DCST1: variants seen among roughly 807,000 people sequenced by gnomAD.
The protein encoded by DCST1 is E3 ubiquitin-protein ligase DCST1.
DCST1 carries 78 observed loss-of-function variants against 89.1 expected under a neutral mutation model. The observed-to-expected ratio is 0.88, with a 90% CI of 0.73 to 1.06. The LOEUF (loss-of-function observed/expected upper bound fraction) is 1.06. Among genes scored for constraint, DCST1 ranks in the 50% least tolerant of loss-of-function variants. The probability of loss-of-function intolerance (pLI) is 0.00; values close to 1 mark genes in which losing one functional copy is unlikely to be tolerated. For synonymous variants in DCST1, 364 were observed against 371.9 expected (o/e 0.98, Z 0.24); for missense variants, 900 against 928.6 (o/e 0.97, Z 0.40).
rs763677523 is a variant in DCST1 at position 155,048,065 on chromosome 1, G to T, written c.1764G>T (p.Lys588Asn). 36 of 1,613,858 alleles carry T rather than the reference G, an allele frequency of 2.2e-5. No individual in the cohort carries two copies. The highest frequency in any genetic ancestry group is 1.6e-4 in the Middle Eastern group (1 of 6,084). Reference sequence around the variant, plus strand: ...CCCCTTCCTGCCCCCAGCGAGAGAAGAAGCGGATCCTGTTCCTCTACAATG... The same window carrying T: ...CCCCTTCCTGCCCCCAGCGAGAGAATAAGCGGATCCTGTTCCTCTACAATG... ...IAAFYFPKRE[K>N]KRILFLYNDL... Residue 588 changes from lysine (K) to asparagine (N), a missense_variant, in exon 16 of 17, where the codon AAG becomes AAT. By Grantham distance (94) the Lys-to-Asn change is moderately conservative. Transcript: ENST00000295542.
At chr1:155,048,768 A>G (rs1180807536) in intron 16 of DCST1, among the ~76,000 whole-genome samples, 2 of 149,702 alleles carry the variant, frequency 1.3e-5, no homozygotes, top group Non-Finnish European at 2.9e-5. Flanking sequence ...CAGTCTGCTC[A>G]TAGAAAAGCA....
chr1:155,033,954 C>T lies in DCST1; in HGVS notation c.-65-18C>T. 8.4e-6 allele frequency: 13 copies of T among 1,547,652 alleles called. No homozygotes were observed. In the South Asian group the frequency reaches 1.3e-4, roughly 16 times the overall value. ...CATGAAGCGGAAGAGACAGGCAGCA[C>T]CTCTCTTCTCTCACCAGAACCTTGT... On this transcript the variant is annotated intron_variant, in intron 1 of 16. Transcript: ENST00000295542.
chr1:155,041,411 G>A lies in DCST1; in HGVS notation c.546G>A (p.Leu182=), dbSNP rs890171208. The change falls in exon 7 of 17, where the codon TTG becomes TTA. Residue 182 remains leucine, a synonymous_variant. Transcript: ENST00000295542. ...TCCAATCCCAGAGTAGCAAAGAATT[G>A]CTGAGAGCAGAGACTCGGAACATCT... ...MFKDLLSSKE[L]LRAETRNISA... is the part of the protein sequence containing the mutation. 1 of 1,613,748 alleles carries A rather than the reference G, an allele frequency of 6.2e-7. No homozygotes were observed. Among genetic ancestry groups the A allele is most frequent in the Non-Finnish European group, 8.5e-7 (1 of 1,180,030 alleles).
rs372250576 is a variant in DCST1, at chr1:155,050,598, A to G, written c.1870-19A>G. 2.1e-5 allele frequency: 32 copies of G among 1,559,010 alleles called. No homozygotes were observed. Among genetic ancestry groups the G allele is most frequent in the African/African-American group, 4.1e-5 (3 of 73,700 alleles). On this transcript the variant is annotated intron_variant, in intron 16 of 16. Coordinates refer to ENST00000295542, the MANE Select transcript of DCST1 (RefSeq NM_152494.4). ...CCCGCCTCGCTCCCGGGCTGGCGCT[A>G]ACGCCCACCTCCCAACAGCGCCACC...
chr1:155,048,423 C>T (rs913500301), intron 16 of DCST1, among the ~76,000 whole-genome samples: 4 of 152,266 alleles, frequency 2.6e-5, no homozygotes, highest in Non-Finnish European at 4.4e-5. Flanking sequence ...CCCCACTCCA[C>T]AAGTAGCCAG....
chr1:155,047,669 CAGG>C, intron 14 of DCST1, 115 bp from the exon 15 acceptor site: 1 of 885,596 alleles, frequency 1.1e-6, no homozygotes, highest in Non-Finnish European at 1.7e-6. Context: ...GAGGGGCAGG[CAGG>C]AGGAGAGCAG....
chr1:155,046,047 G>T, intron 11 of DCST1, 55 bp downstream of exon 11: 1 of 1,613,422 alleles, frequency 6.2e-7, no homozygotes, highest in South Asian at 1.1e-5. Context: ...CCCTGTGTGG[G>T]TTCATGCTCC....
At chr1:155,040,705 G>A (rs1332750393) in intron 6 of DCST1, 81 bp downstream of exon 6, 1 of 1,472,892 alleles carries the variant, frequency 6.8e-7, no homozygotes, top group Non-Finnish European at 9.0e-7. Flanking sequence ...TGTCACCCTG[G>A]ATTTACAGTT....
Position 155,046,600 on chromosome 1 carries a change from CTTTT to C in DCST1, c.1495+129_1495+132del, listed in dbSNP as rs71077975. Reference sequence around the variant, plus strand: ...CCAACTGTGCCTCGTCCTTCTGCCTCTTTTTTTTTTTTTTTTTTGAGACAAAGAG... The same window carrying C: ...CCAACTGTGCCTCGTCCTTCTGCCTCTTTTTTTTTTTTTTGAGACAAAGAG... On this transcript the variant is annotated intron_variant, in intron 13 of 16. Coordinates refer to ENST00000295542, the MANE Select transcript of DCST1 (RefSeq NM_152494.4). 1.2e-3 allele frequency: 666 copies of C among 533,488 alleles called. 1 individual carries two copies. The East Asian group carries it at 0.013, about 10-fold the overall frequency. 33.0% of individuals were successfully genotyped at this position (533,488 alleles called of 1,614,324 possible).
chr1:155,038,895 T>C (rs1202159101), intron 4 of DCST1, among the ~76,000 whole-genome samples: 1 of 152,192 alleles, frequency 6.6e-6, no homozygotes, highest in African/African-American at 2.4e-5. Context: ...GAGACACATG[T>C]GAAACTGCTA....
At position 155,050,889 on chromosome 1, in the gene DCST1, T is replaced by C; in HGVS notation, c.*21T>C. On this transcript the variant is annotated 3_prime_UTR_variant, in exon 17 of 17. Transcript: ENST00000295542. ...GGTGAAGAGGCGTCCTGCTCGCTCT[T>C]CCGCACCGTCCTTCCCGGTTAATAA... 1 of 1,601,876 alleles carries C rather than the reference T, an allele frequency of 6.2e-7. No homozygotes were observed. The highest frequency in any genetic ancestry group is 8.5e-7 in the Non-Finnish European group (1 of 1,170,846).
chr1:155,034,577 A>G lies in DCST1; in HGVS notation c.187+17A>G, dbSNP rs748358181. The G allele has an allele frequency of 7.9e-5, 128 of 1,613,832 alleles. No homozygotes were observed. Among genetic ancestry groups the G allele is most frequent in the Non-Finnish European group, 1.0e-4 (123 of 1,180,014 alleles). On this transcript the variant is annotated intron_variant, in intron 3 of 16. Coordinates refer to ENST00000295542, the MANE Select transcript of DCST1 (RefSeq NM_152494.4). ...TGGCCATAGGTGAGTGTGGAAGCAG[A>G]AAGTTCGGGGTGGGCAGAGGCTGGA...
rs1660478390 is a variant in DCST1 at position 155,042,840 on chromosome 1, C to G, written c.998C>G (p.Ala333Gly). The G allele has an allele frequency of 1.2e-6, 2 of 1,614,096 alleles. No homozygotes were observed. Among genetic ancestry groups the G allele is most frequent in the Non-Finnish European group, 1.7e-6 (2 of 1,180,026 alleles). The part of the protein sequence containing the change: ...SIRGLDGEFS[A>G]NIDFKEEKQA... ...CGTGGCCTGGATGGGGAATTTTCAG[C>G]CAATATTGACTTCAAGGTAGAAGGC... is the stretch of plus-strand genomic sequence containing the variant. Residue 333 changes from alanine to glycine, a missense_variant, in exon 9 of 17, where the codon GCC becomes GGC. Coordinates refer to ENST00000295542, the MANE Select transcript of DCST1 (RefSeq NM_152494.4).
At position 155,050,685 on chromosome 1, in the gene DCST1, C is replaced by A. The variant is rs751904129; in HGVS notation, c.1938C>A (p.Cys646Ter). The A allele has an allele frequency of 6.2e-7, 1 of 1,603,828 alleles. No homozygotes were observed. The highest frequency in any genetic ancestry group is 1.1e-5 in the South Asian group (1 of 89,980). The part of the protein sequence containing the change: ...PLLRRWLCRR[C>*]VVCQAPETPE... ...TGCGCCGCTGGCTGTGCCGGCGCTG[C>A]GTGGTGTGCCAGGCACCCGAGACGC... Residue 646 changes from cysteine (C) to a stop codon, truncating the protein, a stop_gained, in exon 17 of 17, where the codon TGC (cysteine) becomes TGA (stop). Transcript: ENST00000295542. LOFTEE classifies it high-confidence loss of function.
intron 16 of DCST1, 164 bp from the exon 17 acceptor site, chr1:155,050,453 G>A (rs1660876441): frequency 3.4e-6 from 3 of 875,028 alleles, no homozygotes; most frequent in African/African-American, 1.7e-5. Context: ...CACAGAGTTG[G>A]GGAGGGAGGC....
At chr1:155,048,952 C>G in intron 16 of DCST1, 1 of 709,042 alleles carries the variant, frequency 1.4e-6, no homozygotes, top group East Asian at 2.7e-5. Flanking sequence ...GAAGCAGACT[C>G]CAGTCCATAC....
intron 4 of DCST1, 42 bp from the exon 5 acceptor site, chr1:155,039,361 C>T (rs1339274975): frequency 6.8e-7 from 1 of 1,471,570 alleles, no homozygotes; most frequent in Non-Finnish European, 9.0e-7. Flanking sequence ...AGGGAGGCAG[C>T]TTCCTCACTT....
intron 4 of DCST1, among the ~76,000 whole-genome samples, chr1:155,037,597 C>T (rs2102351871): frequency 6.6e-6 from 1 of 152,228 alleles, no homozygotes; most frequent in South Asian, 2.1e-4. Flanking sequence ...GCACCTGCCA[C>T]CATGCCTGGC....
At position 155,043,464 on chromosome 1, in the gene DCST1, T is replaced by G; in HGVS notation, c.1127T>G (p.Leu376Arg). Residue 376 changes from leucine (L) to arginine (R), a missense_variant, in exon 10 of 17, where the codon CTG (leucine) becomes CGG (arginine). By Grantham distance (102) the Leu-to-Arg change is moderately radical. Coordinates refer to ENST00000295542, the MANE Select transcript of DCST1 (RefSeq NM_152494.4). ...GCCCGGCTGGAGTGGGCCCTGGGGC[T>G]GCTGCACGTGCTGCTCTCCTGCACT... Reference protein sequence around the residue: ...QEARLEWALGLLHVLLSCTFL... With the variant: ...QEARLEWALGRLHVLLSCTFL... 1 of 1,610,092 alleles carries G rather than the reference T, an allele frequency of 6.2e-7. No individual in the cohort carries two copies. The highest frequency in any genetic ancestry group is 8.5e-7 in the Non-Finnish European group (1 of 1,178,186).
Sources: allele counts gnomAD v4.1 joint callset (sites outside exome capture counted in the v4.1 genomes callset), GRCh38; gene constraint gnomAD v4.1.1; transcripts MANE v1.5; gene names NCBI Gene and HGNC (gene_info 2026-07-23, HGNC 2026-07-21).